Variants in ANKRD30BL observed in about 807,000 individuals in gnomAD.
ANKRD30BL encodes putative ankyrin repeat domain-containing protein 30B-like.
In ANKRD30BL, 20 loss-of-function variants were observed where a neutral mutation model predicts 18.4. The ratio of observed to expected loss-of-function variants is 1.09; its 90% CI spans 0.77 to 1.58. The LOEUF (loss-of-function observed/expected upper bound fraction) is 1.58. Among genes scored for constraint, ANKRD30BL ranks in the 40% most tolerant of loss-of-function variants. The pLI is 0.00. For missense variants in ANKRD30BL, 224 were observed against 268.6 expected, an observed-to-expected ratio of 0.83 and a Z score of 1.16; for synonymous variants, 72 against 100.9, an observed-to-expected ratio of 0.71 and a Z score of 1.72.
intron 1 of ANKRD30BL, among the ~76,000 whole-genome samples, chr2:132,246,693 C>G (rs989151016): frequency 6.6e-6 from 1 of 151,986 alleles, no homozygotes; most frequent in African/African-American, 2.4e-5. Context: ...TGCTTGCATT[C>G]AACTCACTGA....
chr2:132,221,548 G>T, intron 1 of ANKRD30BL, among the ~76,000 whole-genome samples: 1 of 136,398 alleles, frequency 7.3e-6, no homozygotes, highest in East Asian at 2.3e-4. Flanking sequence ...GGGAGGTGGG[G>T]GGGTCAGCCC....
intron 1 of ANKRD30BL, among the ~76,000 whole-genome samples, chr2:132,234,351 G>C (rs1680096124): frequency 6.6e-6 from 1 of 151,982 alleles, no homozygotes; most frequent in Admixed American, 6.6e-5. Flanking sequence ...CAGAACTGAA[G>C]GAAATAGAGA....
chr2:132,213,480 CT>C (rs1181811029), intron 1 of ANKRD30BL, among the ~76,000 whole-genome samples: 1 of 152,134 alleles, frequency 6.6e-6, no homozygotes, highest in African/African-American at 2.4e-5. Flanking sequence ...AATATCTTCA[CT>C]TAACAACTAG....
chr2:132,253,205 C>T (rs998950176), intron 1 of ANKRD30BL: 14 of 203,386 alleles, frequency 6.9e-5, no homozygotes, highest in Non-Finnish European at 9.6e-5. Flanking sequence ...CAAGTGCATT[C>T]GAAGAGTCGA....
chr2:132,256,578 C>T (rs1001863151), intron 1 of ANKRD30BL, among the ~76,000 whole-genome samples: 3 of 152,246 alleles, frequency 2.0e-5, no homozygotes, highest in African/African-American at 4.8e-5. Flanking sequence ...CGGCCCCTCG[C>T]GGCACCTGGA....
chr2:132,162,192 T>C (rs1688093775), upstream of ANKRD30BL, among the ~76,000 whole-genome samples: 1 of 152,096 alleles, frequency 6.6e-6, no homozygotes, highest in Non-Finnish European at 1.5e-5. Flanking sequence ...CTGGGCATCG[T>C]GCAGCCTCCA....
In ANKRD30BL at chr2:132,214,538, C is replaced by G. The variant is rs574710136; in HGVS notation, n.441+42991G>C. On this transcript the variant is annotated intron_variant and non_coding_transcript_variant, in intron 1 of 4. Coordinates refer to the ANKRD30BL transcript ENST00000470729. ...AAGACAGAAGCATTCTGTCAAACTA[C>G]TTTGTGATATGTGCATTCATATCAT... Among the ~76,000 whole-genome samples, 400 of 151,940 alleles carry G rather than the reference C, an allele frequency of 2.6e-3. 4 individuals are homozygous for G. The highest frequency in any genetic ancestry group is 9.1e-3 in the African/African-American group (379 of 41,452).
chr2:132,228,406 C>A (rs925941701), intron 1 of ANKRD30BL, among the ~76,000 whole-genome samples: 6 of 151,782 alleles, frequency 4.0e-5, no homozygotes, highest in Admixed American at 1.3e-4. Context: ...CGCTTTGCAA[C>A]CTATGTTAGA....
At chr2:132,225,084 T>C (rs550434963) in intron 1 of ANKRD30BL, among the ~76,000 whole-genome samples, 17 of 151,974 alleles carry the variant, frequency 1.1e-4, no homozygotes, top group African/African-American at 3.6e-4. Flanking sequence ...TTTGAAACAC[T>C]CTTTTAGTAG....
chr2:132,222,834 A>T lies in ANKRD30BL; in HGVS notation n.441+34695T>A, dbSNP rs1320773025. On this transcript the variant is annotated intron_variant and non_coding_transcript_variant, in intron 1 of 4. Transcript: ENST00000470729. Reference sequence around the variant, plus strand: ...GAGAAACAGCCAAGAATGATCAATAAAAAAAAAAAAAAAAAAAAAAAAAAA... The same window carrying T: ...GAGAAACAGCCAAGAATGATCAATATAAAAAAAAAAAAAAAAAAAAAAAAA... 1.1e-3 allele frequency among the ~76,000 whole-genome samples: 119 copies of T among 112,604 alleles called. 1 individual carries two copies. The highest frequency in any genetic ancestry group is 7.4e-3 in the African/African-American group (115 of 15,612). 73.9% of individuals were successfully genotyped at this position (112,604 alleles called of 152,430 possible).
At chr2:132,194,378 C>T (rs1371570738) in intron 1 of ANKRD30BL, among the ~76,000 whole-genome samples, 1 of 152,224 alleles carries the variant, frequency 6.6e-6, no homozygotes, top group Non-Finnish European at 1.5e-5. Context: ...AATCAGACAG[C>T]ATAAGTCAGC....
At chr2:132,211,535 C>G (rs968964039) in intron 1 of ANKRD30BL, among the ~76,000 whole-genome samples, 1 of 151,840 alleles carries the variant, frequency 6.6e-6, no homozygotes, top group Non-Finnish European at 1.5e-5. Context: ...ATTTGGAGTG[C>G]TCTGAGGCCA....
chr2:132,158,630 C>A (rs1394703188), intron 1 of ANKRD30BL, among the ~76,000 whole-genome samples: 1 of 150,786 alleles, frequency 6.6e-6, no homozygotes, highest in Admixed American at 6.6e-5. Context: ...ACATAATAGG[C>A]ATTCAGCTTA....
At chr2:132,249,594 TC>T (rs1680596576) in intron 1 of ANKRD30BL, among the ~76,000 whole-genome samples, 1 of 151,170 alleles carries the variant, frequency 6.6e-6, no homozygotes. Flanking sequence ...AATGTACACA[TC>T]AAAAAAAAAG....
At chr2:132,215,901 G>GT (rs1407444430) in intron 1 of ANKRD30BL, among the ~76,000 whole-genome samples, 1 of 150,224 alleles carries the variant, frequency 6.7e-6, no homozygotes, top group Admixed American at 6.7e-5. Flanking sequence ...TTCTGAGAAA[G>GT]TTTTTTGTGA....
intron 1 of ANKRD30BL, among the ~76,000 whole-genome samples, chr2:132,254,317 C>A (rs991158840): frequency 5.3e-5 from 8 of 152,138 alleles, no homozygotes; most frequent in African/African-American, 1.9e-4. Context: ...AAGGACATGG[C>A]GGCGTCTCCG....
At chr2:132,224,916 CTT>C (rs1383137869) in intron 1 of ANKRD30BL, among the ~76,000 whole-genome samples, 1 of 151,076 alleles carries the variant, frequency 6.6e-6, no homozygotes, top group Non-Finnish European at 1.5e-5. Flanking sequence ...TTGAAACACT[CTT>C]TGCAGAATCT....
intron 1 of ANKRD30BL, among the ~76,000 whole-genome samples, chr2:132,187,284 C>G (rs1688582689): frequency 6.9e-6 from 1 of 145,472 alleles, no homozygotes; most frequent in Non-Finnish European, 1.5e-5. Flanking sequence ...ACTTCTGCCT[C>G]CCGGGATGAA....
chr2:132,167,512 G>A (rs574754976), intron 1 of ANKRD30BL, among the ~76,000 whole-genome samples: 46 of 151,952 alleles, frequency 3.0e-4, no homozygotes, highest in African/African-American at 1.1e-3. Context: ...TAATAGAGAC[G>A]GTGTTTCATC....
Sources: allele counts gnomAD v4.1 joint callset (sites outside exome capture counted in the v4.1 genomes callset), GRCh38; gene constraint gnomAD v4.1.1; transcripts MANE v1.5; gene names NCBI Gene and HGNC (gene_info 2026-07-23, HGNC 2026-07-21).